MGAT4C: variants seen among roughly 807,000 people sequenced by gnomAD.
The protein encoded by MGAT4C is MGAT4 family member C, also known as alpha-1,3-mannosyl-glycoprotein 4-beta-N-acetylglucosaminyltransferase C.
A neutral mutation model predicts 40.1 loss-of-function variants in MGAT4C; 19 were observed. The observed-to-expected ratio is 0.47, with a 90% CI of 0.33 to 0.70. The LOEUF is 0.70. Ranked by LOEUF, MGAT4C falls within the 30% of genes least tolerant of loss-of-function variation. The probability of loss-of-function intolerance (pLI) is 0.02; values close to 1 mark genes in which losing one functional copy is unlikely to be tolerated. For missense variants in MGAT4C, 491 were observed against 563.2 expected, an observed-to-expected ratio of 0.87 and a Z score of 1.30; for synonymous variants, 181 against 187.1, an observed-to-expected ratio of 0.97 and a Z score of 0.27.
intron 2 of MGAT4C, among the ~76,000 whole-genome samples, chr12:86,595,193 T>G (rs2136453118): frequency 6.6e-6 from 1 of 152,294 alleles, no homozygotes; most frequent in South Asian, 2.1e-4. Flanking sequence ...TGGATTACTC[T>G]TTAAGTAGCA....
At chr12:86,141,325 A>C (rs1882804820) in intron 1 of MGAT4C, among the ~76,000 whole-genome samples, 1 of 152,214 alleles carries the variant, frequency 6.6e-6, no homozygotes, top group South Asian at 2.1e-4. Flanking sequence ...TATCAATAAA[A>C]TAAAGTGAAT....
intron 3 of MGAT4C, among the ~76,000 whole-genome samples, chr12:86,360,245 T>C (rs1201012937): frequency 2.0e-5 from 3 of 152,138 alleles, no homozygotes; most frequent in Non-Finnish European, 2.9e-5. Flanking sequence ...AACATGATTA[T>C]CTCAATAGAT....
At chr12:86,356,893 G>A (rs918696411) in intron 3 of MGAT4C, among the ~76,000 whole-genome samples, 1 of 152,170 alleles carries the variant, frequency 6.6e-6, no homozygotes. Flanking sequence ...CCACCTCTGG[G>A]GGCAGGGCAT....
chr12:86,474,011 C>T (rs924642091), intron 2 of MGAT4C, among the ~76,000 whole-genome samples: 1 of 152,012 alleles, frequency 6.6e-6, no homozygotes, highest in African/African-American at 2.4e-5. Context: ...TGCCATACTC[C>T]CCTCTGACCC....
chr12:86,674,065 TA>T (rs1179934079), intron 2 of MGAT4C, among the ~76,000 whole-genome samples: 1 of 151,998 alleles, frequency 6.6e-6, no homozygotes, highest in East Asian at 1.9e-4. Context: ...TTTAGCATCA[TA>T]AAAAACCCAA....
intron 2 of MGAT4C, among the ~76,000 whole-genome samples, chr12:86,578,422 T>G (rs1336660491): frequency 1.3e-5 from 2 of 151,850 alleles, no homozygotes; most frequent in Non-Finnish European, 2.9e-5. Flanking sequence ...TCTCTATTTT[T>G]GGGAATTGTT....
intron 3 of MGAT4C, among the ~76,000 whole-genome samples, chr12:86,402,558 G>T (rs1956388030): frequency 6.6e-6 from 1 of 152,080 alleles, no homozygotes. Flanking sequence ...GGTATTCTTG[G>T]AAGATAGATA....
chr12:86,189,063 C>A (rs745733839), intron 1 of MGAT4C, among the ~76,000 whole-genome samples: 2 of 151,554 alleles, frequency 1.3e-5, no homozygotes, highest in Non-Finnish European at 2.9e-5. Context: ...TTAAGTCAAG[C>A]GATTATTTTA....
At chr12:85,988,691 A>T (rs552196996) in intron 3 of MGAT4C, among the ~76,000 whole-genome samples, 1 of 152,150 alleles carries the variant, frequency 6.6e-6, no homozygotes, top group South Asian at 2.1e-4. Context: ...GATAACAATA[A>T]GAAAAAAATT....
At chr12:86,508,048 T>C (rs1326922511) in intron 2 of MGAT4C, among the ~76,000 whole-genome samples, 1 of 151,756 alleles carries the variant, frequency 6.6e-6, no homozygotes, top group African/African-American at 2.4e-5. Context: ...ATGTGTGTCT[T>C]TAATATTTTT....
At chr12:86,627,145 C>T (rs1962837184) in intron 2 of MGAT4C, among the ~76,000 whole-genome samples, 1 of 110,464 alleles carries the variant, frequency 9.1e-6, no homozygotes, top group Non-Finnish European at 1.8e-5. Context: ...GATCGAACTG[C>T]CAAGCAGCAA....
intron 2 of MGAT4C, among the ~76,000 whole-genome samples, chr12:86,696,089 G>A (rs1950252992): frequency 6.6e-6 from 1 of 151,906 alleles, no homozygotes; most frequent in Non-Finnish European, 1.5e-5. Flanking sequence ...GTGCGCACCT[G>A]TATTCCCAAC....
rs190689634 is a variant in MGAT4C at position 86,678,070 on chromosome 12, T to A, written c.-229+49139A>T. On this transcript the variant is annotated intron_variant, in intron 2 of 7. Coordinates refer to the MGAT4C transcript ENST00000548651. ...TTCCAGTTCTGAACGCACCCTGATT[T>A]CCAGATTTGCTGATACAACCACCAA... Among the ~76,000 whole-genome samples the A allele has an allele frequency of 2.0e-3, 310 of 152,208 alleles. 1 individual carries two copies. Among genetic ancestry groups the A allele is most frequent in the Non-Finnish European group, 3.7e-3 (249 of 67,994 alleles).
intron 2 of MGAT4C, among the ~76,000 whole-genome samples, chr12:86,529,167 C>G (rs767558314): frequency 5.3e-5 from 8 of 152,084 alleles, no homozygotes; most frequent in African/African-American, 9.7e-5. Context: ...CTATACCAAA[C>G]TTGCTCTTGG....
At chr12:86,195,298 C>A (rs79080885) in intron 1 of MGAT4C, among the ~76,000 whole-genome samples, 11,131 of 152,114 alleles carry the variant, frequency 0.073, 575 homozygotes, top group Middle Eastern at 0.22. Flanking sequence ...TAATTAAAAC[C>A]ATTTTTAAAG....
At chr12:86,062,359 A>T (rs979871972) in intron 1 of MGAT4C, among the ~76,000 whole-genome samples, 2 of 152,084 alleles carry the variant, frequency 1.3e-5, no homozygotes, top group Non-Finnish European at 2.9e-5. Context: ...CCACTCAGAG[A>T]CCCCATCTGA....
At chr12:86,121,973 G>A (rs993763523) in intron 1 of MGAT4C, among the ~76,000 whole-genome samples, 19 of 151,838 alleles carry the variant, frequency 1.3e-4, no homozygotes, top group African/African-American at 2.7e-4. Flanking sequence ...AATAATGAAC[G>A]TGAAACATTA....
At chr12:86,355,416 T>C (rs1476313301) in intron 3 of MGAT4C, among the ~76,000 whole-genome samples, 4 of 152,196 alleles carry the variant, frequency 2.6e-5, no homozygotes, top group Admixed American at 2.6e-4. Flanking sequence ...AAATACTTTC[T>C]AGATGTGGTG....
intron 1 of MGAT4C, among the ~76,000 whole-genome samples, chr12:86,744,295 G>T (rs1307869085): frequency 6.6e-6 from 1 of 151,176 alleles, no homozygotes. Context: ...GACTCAATAG[G>T]TTGCTAAGGA....
Sources: allele counts gnomAD v4.1 joint callset (sites outside exome capture counted in the v4.1 genomes callset), GRCh38; gene constraint gnomAD v4.1.1; transcripts MANE v1.5; gene names NCBI Gene and HGNC (gene_info 2026-07-23, HGNC 2026-07-21).